Variants in ABCC1 observed in about 807,000 individuals in gnomAD.
The protein encoded by ABCC1 is multidrug resistance-associated protein 1.
A neutral mutation model predicts 172.9 loss-of-function variants in ABCC1; 83 were observed. The observed-to-expected ratio is 0.48, with a 90% CI of 0.40 to 0.58. ABCC1 has a LOEUF of 0.58. ABCC1 is among the 20% of genes least tolerant of loss of function. The pLI, the probability that ABCC1 is intolerant of heterozygous loss-of-function variation, is 0.00. For missense variants in ABCC1, 1,817 were observed against 2,002.7 expected (o/e 0.91, Z 1.77); for synonymous variants, 937 against 825.2 (o/e 1.14, Z -2.32).
At chr16:16,010,858 C>G (rs1172830390) in intron 3 of ABCC1, among the ~76,000 whole-genome samples, 4 of 152,146 alleles carry the variant, frequency 2.6e-5, no homozygotes, top group African/African-American at 4.8e-5. Flanking sequence ...ACCCCAGATG[C>G]CATGCTTTTA....
chr16:16,041,770 C>A lies in ABCC1; in HGVS notation c.810-2680C>A, dbSNP rs1333664951. Reference sequence around the variant, plus strand: ...TGCATGGCTTCCTGGATCCTTTTACCACCTCTCTTCACCCATGAGTGACTC... The same window carrying A: ...TGCATGGCTTCCTGGATCCTTTTACAACCTCTCTTCACCCATGAGTGACTC... On this transcript the variant is annotated intron_variant, in intron 7 of 30. Coordinates refer to ENST00000399410, the MANE Select transcript of ABCC1 (RefSeq NM_004996.4). 2.6e-5 allele frequency among the ~76,000 whole-genome samples: 4 copies of A among 152,010 alleles called. No homozygotes were observed. In the East Asian group the frequency reaches 7.7e-4, roughly 29 times the overall value.
chr16:15,958,411 G>C (rs759394548), intron 1 of ABCC1, among the ~76,000 whole-genome samples: 46 of 152,232 alleles, frequency 3.0e-4, no homozygotes, highest in Middle Eastern at 3.4e-3. Context: ...TGCCTGGCCT[G>C]TTGCCTTTTT....
At chr16:16,079,151 T>C (rs979163214) in intron 15 of ABCC1, among the ~76,000 whole-genome samples, 7 of 152,184 alleles carry the variant, frequency 4.6e-5, no homozygotes, top group African/African-American at 1.7e-4. Context: ...GCCTCCCACC[T>C]GGAGGCCCCC....
rs1363429334 is a variant in ABCC1 at position 15,949,662 on chromosome 16, C to T, written c.-90C>T. The T allele has an allele frequency of 3.5e-6, 3 of 848,536 alleles. No homozygotes were observed. In the African/African-American group the frequency reaches 5.8e-5, roughly 16 times the overall value. 52.6% of individuals were successfully genotyped at this position (848,536 alleles called of 1,614,324 possible). On this transcript the variant is annotated 5_prime_UTR_variant, in exon 1 of 31. Transcript: ENST00000399410. Reference sequence around the variant, plus strand: ...GCTAGCGCCAGCAGCCGGGCCCGATCACCCGCCGCCCGGTGCCCGCCGCCG... The same window carrying T: ...GCTAGCGCCAGCAGCCGGGCCCGATTACCCGCCGCCCGGTGCCCGCCGCCG...
intron 21 of ABCC1, among the ~76,000 whole-genome samples, chr16:16,107,230 T>C (rs1209921390): frequency 1.3e-5 from 2 of 152,208 alleles, no homozygotes; most frequent in Non-Finnish European, 2.9e-5. Flanking sequence ...GTGCATGAGA[T>C]GGTGTCCGGT....
chr16:16,111,661 A>G lies in ABCC1; in HGVS notation c.3079+79A>G, dbSNP rs537884127. On this transcript the variant is annotated intron_variant, in intron 22 of 30. Transcript: ENST00000399410. ...TCTAATTATAGAAATGGATCCTTAG[A>G]GTCCTCAGCGTTTTGTGGGACCCCA... is the stretch of plus-strand genomic sequence containing the variant. 6.4e-5 allele frequency: 87 copies of G among 1,349,770 alleles called. 1 individual carries two copies. In the South Asian group the frequency reaches 1.1e-3, roughly 16 times the overall value. 83.6% of individuals were successfully genotyped at this position (1,349,770 alleles called of 1,614,324 possible). A position where few individuals can be genotyped will look rare whatever the true frequency, so the allele number is the denominator to read the frequency against.
chr16:15,969,529 C>T (rs138855697), intron 1 of ABCC1, among the ~76,000 whole-genome samples: 12 of 152,150 alleles, frequency 7.9e-5, no homozygotes, highest in Non-Finnish European at 7.4e-5. Context: ...TGTGCCACCA[C>T]GCCCGGCTAC....
intron 1 of ABCC1, among the ~76,000 whole-genome samples, chr16:15,978,908 C>A (rs1458869590): frequency 2.6e-5 from 4 of 152,078 alleles, no homozygotes; most frequent in Non-Finnish European, 5.9e-5. Context: ...ACGTATCCAG[C>A]CTAAAACGTC....
chr16:15,979,641 C>T (rs576292790), intron 1 of ABCC1, among the ~76,000 whole-genome samples: 27 of 152,174 alleles, frequency 1.8e-4, no homozygotes, highest in African/African-American at 6.5e-4. Context: ...CTTAGCACCT[C>T]GGCCCTTCTT....
chr16:16,086,656 A>G (rs41278166), intron 17 of ABCC1, among the ~76,000 whole-genome samples, 168 bp from the exon 18 acceptor site: 5,100 of 152,014 alleles, frequency 0.034, 137 homozygotes, highest in African/African-American at 0.068. Context: ...TTTTGTAGAG[A>G]CAGGGTCTCC....
chr16:16,008,125 A>T (rs1033896703), intron 2 of ABCC1, 133 bp downstream of exon 2: 11 of 934,142 alleles, frequency 1.2e-5, no homozygotes, highest in Non-Finnish European at 1.4e-5. Context: ...CAGAAGAATA[A>T]TGTGGGAGGT....
intron 19 of ABCC1, among the ~76,000 whole-genome samples, chr16:16,091,250 G>A (rs1027388856): frequency 6.6e-6 from 1 of 151,798 alleles, no homozygotes; most frequent in Non-Finnish European, 1.5e-5. Context: ...GTAGCATGGC[G>A]AAACCTCATC....
rs117022706 is a variant in ABCC1 at position 16,070,105 on chromosome 16, G to A, written c.1825-1537G>A. Among the ~76,000 whole-genome samples the A allele has an allele frequency of 1.4e-4, 22 of 152,264 alleles. No individual in the cohort carries two copies. In the East Asian group the frequency reaches 3.7e-3, roughly 25 times the overall value. ...ATTCAACATCGGCATTTTTTGGCTGGGCGCAGTGGCTCACGCCTGTAATCC... is the reference window on the plus strand; with the variant it reads ...ATTCAACATCGGCATTTTTTGGCTGAGCGCAGTGGCTCACGCCTGTAATCC... On this transcript the variant is annotated intron_variant, in intron 13 of 30. Coordinates refer to ENST00000399410, the MANE Select transcript of ABCC1 (RefSeq NM_004996.4).
At chr16:16,103,866 C>T (rs761584090) in intron 20 of ABCC1, among the ~76,000 whole-genome samples, 4 of 152,124 alleles carry the variant, frequency 2.6e-5, no homozygotes, top group African/African-American at 4.8e-5. Context: ...AGAATGAAGC[C>T]GCAGACCCTC....
chr16:16,054,336 C>A (rs746210182), intron 11 of ABCC1, among the ~76,000 whole-genome samples: 8 of 152,092 alleles, frequency 5.3e-5, no homozygotes, highest in Non-Finnish European at 8.8e-5. Flanking sequence ...AATGGGCCCA[C>A]GTGGCAGCAT....
chr16:16,078,089 C>T (rs1213940287), intron 15 of ABCC1, among the ~76,000 whole-genome samples: 1 of 152,198 alleles, frequency 6.6e-6, no homozygotes, highest in African/African-American at 2.4e-5. Flanking sequence ...ACCTGGGAGG[C>T]ACAGGTTTCA....
chr16:16,056,002 TA>T, intron 11 of ABCC1, 89 bp from the exon 12 acceptor site: 1 of 1,159,760 alleles, frequency 8.6e-7, no homozygotes, highest in Non-Finnish European at 1.2e-6. Flanking sequence ...AAGTATATAA[TA>T]AAGTTTATGA....
At chr16:16,086,291 C>T (rs2051003002) in intron 17 of ABCC1, among the ~76,000 whole-genome samples, 1 of 152,210 alleles carries the variant, frequency 6.6e-6, no homozygotes, top group Non-Finnish European at 1.5e-5. Flanking sequence ...AAACCCTGTG[C>T]CTGTGATCCC....
Position 16,131,035 on chromosome 16 carries a change from C to T in ABCC1, c.3820-754C>T, listed in dbSNP as rs188316732. 5.9e-5 allele frequency among the ~76,000 whole-genome samples: 9 copies of T among 152,072 alleles called. No homozygotes were observed. In the East Asian group the frequency reaches 9.7e-4, roughly 16 times the overall value. Reference sequence around the variant, plus strand: ...ACTCAGGAGGCTGAGGCAGGAGAGTCGCTTGAACCTGGGAGGCAGGGGTTG... The same window carrying T: ...ACTCAGGAGGCTGAGGCAGGAGAGTTGCTTGAACCTGGGAGGCAGGGGTTG... On this transcript the variant is annotated intron_variant, in intron 26 of 30. Coordinates refer to ENST00000399410, the MANE Select transcript of ABCC1 (RefSeq NM_004996.4).
Sources: allele counts gnomAD v4.1 joint callset (sites outside exome capture counted in the v4.1 genomes callset), GRCh38; gene constraint gnomAD v4.1.1; transcripts MANE v1.5; gene names NCBI Gene and HGNC (gene_info 2026-07-23, HGNC 2026-07-21).